ASPH: variants seen among roughly 807,000 people sequenced by gnomAD.
ASPH encodes the protein aspartyl/asparaginyl beta-hydroxylase.
ASPH carries 100 observed loss-of-function variants against 118.4 expected under a neutral mutation model. The observed-to-expected ratio is 0.84, with a 90% CI of 0.72 to 1.00. The LOEUF (loss-of-function observed/expected upper bound fraction) is 1.00. Among genes scored for constraint, ASPH ranks in the 50% least tolerant of loss-of-function variants. The pLI is 0.00. For missense variants in ASPH, 920 were observed against 919.5 expected (o/e 1.00, Z -0.01); for synonymous variants, 315 against 325.6 (o/e 0.97, Z 0.35).
intron 5 of ASPH, among the ~76,000 whole-genome samples, chr8:61,647,875 T>C (rs1043008226): frequency 6.6e-5 from 10 of 152,202 alleles, no homozygotes; most frequent in African/African-American, 2.2e-4. Flanking sequence ...AGGTTGGACA[T>C]GTTGCATGAT....
intron 14 of ASPH, among the ~76,000 whole-genome samples, chr8:61,600,858 T>C (rs1231166110): frequency 6.6e-6 from 1 of 151,174 alleles, no homozygotes; most frequent in South Asian, 2.1e-4. Context: ...ACACTTCAAA[T>C]ATAAAGACAA....
intron 13 of ASPH, among the ~76,000 whole-genome samples, chr8:61,631,101 T>C (rs572357920): frequency 1.3e-4 from 20 of 152,326 alleles, no homozygotes; most frequent in African/African-American, 4.8e-4. Flanking sequence ...GGCTATATGA[T>C]ATGTTTGTGT....
At chr8:61,668,097 C>T in intron 3 of ASPH, 1 of 734,804 alleles carries the variant, frequency 1.4e-6, no homozygotes, top group Non-Finnish European at 2.2e-6. Flanking sequence ...CTACTTATAA[C>T]CTAAGTTGCA....
At chr8:61,608,787 C>T (rs914568078) in intron 14 of ASPH, among the ~76,000 whole-genome samples, 2 of 151,906 alleles carry the variant, frequency 1.3e-5, no homozygotes, top group African/African-American at 4.9e-5. Flanking sequence ...AGGGTGGGAC[C>T]CAGGGCACTG....
At chr8:61,613,088 A>G (rs1274198309) in intron 14 of ASPH, among the ~76,000 whole-genome samples, 2 of 152,176 alleles carry the variant, frequency 1.3e-5, no homozygotes, top group Non-Finnish European at 2.9e-5. Flanking sequence ...TGTGATGGTT[A>G]ATTATATTTG....
At chr8:61,667,240 C>A (rs1820124554) in intron 3 of ASPH, among the ~76,000 whole-genome samples, 1 of 152,098 alleles carries the variant, frequency 6.6e-6, no homozygotes, top group Non-Finnish European at 1.5e-5. Flanking sequence ...GCATGCACAT[C>A]CCCCATGCCT....
intron 2 of ASPH, 37 bp downstream of exon 2, chr8:61,684,002 C>G (rs767878143): frequency 2.5e-6 from 4 of 1,604,476 alleles, no homozygotes; most frequent in Admixed American, 3.4e-5. Flanking sequence ...GTCACTTACT[C>G]TCTTACAAAT....
At chr8:61,614,183 T>C (rs1188749196) in intron 14 of ASPH, among the ~76,000 whole-genome samples, 1 of 152,184 alleles carries the variant, frequency 6.6e-6, no homozygotes, top group Non-Finnish European at 1.5e-5. Context: ...TTTAAAGACA[T>C]GTAAATACTG....
chr8:61,673,008 AT>A (rs1192567004), intron 3 of ASPH, among the ~76,000 whole-genome samples: 1 of 152,220 alleles, frequency 6.6e-6, no homozygotes, highest in Admixed American at 6.5e-5. Context: ...GCTAGATCTA[AT>A]TTTTTGATAA....
At chr8:61,639,945 T>C (rs1366757266) in intron 10 of ASPH, among the ~76,000 whole-genome samples, 1 of 152,202 alleles carries the variant, frequency 6.6e-6, no homozygotes, top group African/African-American at 2.4e-5. Flanking sequence ...CACCCATGCA[T>C]GAAGACCTGC....
At chr8:61,507,186 C>T (rs988217302) in intron 24 of ASPH, among the ~76,000 whole-genome samples, 3 of 152,152 alleles carry the variant, frequency 2.0e-5, no homozygotes, top group African/African-American at 7.2e-5. Context: ...ACGCTGGTCA[C>T]TCATGGAACA....
chr8:61,562,609 G>C (rs1830392724), intron 18 of ASPH, 135 bp downstream of exon 18: 4 of 906,718 alleles, frequency 4.4e-6, no homozygotes, highest in African/African-American at 1.8e-5. Context: ...ACATAGTTTA[G>C]AATATGTTAA....
intron 14 of ASPH, among the ~76,000 whole-genome samples, chr8:61,603,723 A>G (rs977205798): frequency 2.0e-5 from 3 of 152,232 alleles, no homozygotes; most frequent in African/African-American, 7.2e-5. Context: ...CAAGTACTTC[A>G]CACATTAGAA....
intron 20 of ASPH, among the ~76,000 whole-genome samples, chr8:61,548,861 C>G (rs563716962): frequency 3.3e-5 from 5 of 152,102 alleles, no homozygotes; most frequent in South Asian, 2.1e-4. Flanking sequence ...ACATGTGTGG[C>G]TTTAGGCTAG....
intron 3 of ASPH, chr8:61,656,740 C>T (rs1266002676): frequency 6.6e-6 from 1 of 152,146 alleles, no homozygotes; most frequent in Admixed American, 6.5e-5. Context: ...TATATAATTG[C>T]CCCTCCAATT....
intron 17 of ASPH, 42 bp from the exon 18 acceptor site, chr8:61,562,922 ATT>A: frequency 4.6e-6 from 7 of 1,529,270 alleles, no homozygotes; most frequent in Non-Finnish European, 6.1e-6. Context: ...ATAAAAACAG[ATT>A]ATGTACACTT....
intron 14 of ASPH, among the ~76,000 whole-genome samples, chr8:61,591,263 C>A (rs1371773729): frequency 6.6e-6 from 1 of 152,132 alleles, no homozygotes; most frequent in Non-Finnish European, 1.5e-5. Context: ...TTGGGCATAT[C>A]AGCTGTCTTT....
In ASPH at chr8:61,523,714, C is replaced by A. The variant is rs200602023; in HGVS notation, c.1900+2263G>T. Among the ~76,000 whole-genome samples, 16 of 152,252 alleles carry A rather than the reference C, an allele frequency of 1.1e-4. No homozygotes were observed. The East Asian group carries it at 2.3e-3, about 22-fold the overall frequency. On this transcript the variant is annotated intron_variant, in intron 22 of 24. Coordinates refer to ENST00000379454, the MANE Select transcript of ASPH (RefSeq NM_004318.4). ...ATCACAAACCAAAGACCATAAAGAA[C>A]TTTAAAAAATCTTCCTAAAAGGGAA...
At chr8:61,675,404 CACAG>C (rs1463600079) in intron 3 of ASPH, 5 of 983,678 alleles carry the variant, frequency 5.1e-6, no homozygotes, top group African/African-American at 1.7e-5. Context: ...ATTTTGCTTT[CACAG>C]ACAGAAATAT....
Sources: allele counts gnomAD v4.1 joint callset (sites outside exome capture counted in the v4.1 genomes callset), GRCh38; gene constraint gnomAD v4.1.1; transcripts MANE v1.5; gene names NCBI Gene and HGNC (gene_info 2026-07-23, HGNC 2026-07-21).